The following PKP4 variants were observed in gnomAD, a reference collection of about 807,000 sequenced individuals.
PKP4 encodes the protein plakophilin 4.
PKP4 carries 90 observed loss-of-function variants against 145.1 expected under a neutral mutation model. The ratio of observed to expected loss-of-function variants is 0.62; its 90% CI spans 0.52 to 0.74. The LOEUF (loss-of-function observed/expected upper bound fraction) is 0.74, where lower values mean the gene tolerates loss of function less well. PKP4 is among the 30% of genes least tolerant of loss of function. The probability of loss-of-function intolerance (pLI) is 0.00; values close to 1 mark genes in which losing one functional copy is unlikely to be tolerated. For missense variants in PKP4, 1,340 were observed against 1,482.7 expected, an observed-to-expected ratio of 0.90 and a Z score of 1.58; for synonymous variants, 563 against 577.2, an observed-to-expected ratio of 0.98 and a Z score of 0.35.
chr2:158,482,935 G>T (rs1263183599), intron 1 of PKP4, among the ~76,000 whole-genome samples: 1 of 152,080 alleles, frequency 6.6e-6, no homozygotes. Flanking sequence ...GTGATACAGT[G>T]TTTGTTAGCC....
In PKP4 at chr2:158,462,069, T is replaced by C. The variant is rs573669607; in HGVS notation, c.-6+4851T>C. Among the ~76,000 whole-genome samples the C allele has an allele frequency of 6.6e-5, 10 of 152,334 alleles. 2 individuals carry two copies. Among genetic ancestry groups the C allele is most frequent in the African/African-American group, 2.4e-4 (10 of 41,574 alleles). On this transcript the variant is annotated intron_variant, in intron 1 of 21. Coordinates refer to ENST00000389759, the MANE Select transcript of PKP4 (RefSeq NM_003628.6). ...AGGCTTTTGGGGCCTGGCCCGAAAC[T>C]TGGAATGCAGTTTTTCATAGAAACC...
At chr2:158,645,740 G>A (rs986488085) in intron 11 of PKP4, among the ~76,000 whole-genome samples, 1 of 152,166 alleles carries the variant, frequency 6.6e-6, no homozygotes, top group Non-Finnish European at 1.5e-5. Flanking sequence ...AGTCTTTTCT[G>A]AATTTCTGTT....
chr2:158,485,977 C>G (rs1694109756), intron 1 of PKP4, among the ~76,000 whole-genome samples: 1 of 152,078 alleles, frequency 6.6e-6, no homozygotes, highest in African/African-American at 2.4e-5. Context: ...AATACACATT[C>G]TAATTTTGGC....
At chr2:158,632,432 C>G (rs2053448220) in intron 8 of PKP4, 1 of 158,874 alleles carries the variant, frequency 6.3e-6, no homozygotes, top group Non-Finnish European at 1.4e-5. Flanking sequence ...AATAGATACC[C>G]CTTGCAATGG....
Position 158,669,829 on chromosome 2 carries a change from C to T in PKP4, c.2838C>T (p.Thr946=), listed in dbSNP as rs1181109201. Residue 946 remains threonine (T), a synonymous_variant, in exon 17 of 22, where the codon ACC becomes ACT. Transcript: ENST00000389759. ...TCTGCTGTGCTCTGCACGAGGTCAC[C>T]AGCAAAAACATGGAGAACGCAAAAG... ...AAICCALHEV[T]SKNMENAKAL... The T allele has an allele frequency of 6.2e-7, 1 of 1,614,064 alleles. No individual in the cohort carries two copies. Among genetic ancestry groups the T allele is most frequent in the South Asian group, 1.1e-5 (1 of 91,062 alleles).
At chr2:158,671,967 G>A (rs2057602233) in intron 17 of PKP4, among the ~76,000 whole-genome samples, 1 of 152,200 alleles carries the variant, frequency 6.6e-6, no homozygotes, top group Admixed American at 6.5e-5. Context: ...GGGACATCAA[G>A]TGAGAGAGCC....
intron 3 of PKP4, chr2:158,578,215 T>G (rs10933494): frequency 0.19 from 47,047 of 243,412 alleles, 5,761 homozygotes; most frequent in Middle Eastern, 0.26. Context: ...TGAATAGAAT[T>G]CTGTCTGTTG....
At chr2:158,591,261 A>C (rs745617636) in intron 3 of PKP4, among the ~76,000 whole-genome samples, 9 of 152,086 alleles carry the variant, frequency 5.9e-5, no homozygotes, top group Non-Finnish European at 1.3e-4. Flanking sequence ...TGAAACAGGG[A>C]ATATGAATAC....
chr2:158,620,693 T>C (rs187994675), intron 4 of PKP4, among the ~76,000 whole-genome samples: 1 of 152,340 alleles, frequency 6.6e-6, no homozygotes, highest in East Asian at 1.9e-4. Flanking sequence ...TGGAGGAAGG[T>C]GTCTGAGAGG....
intron 4 of PKP4, among the ~76,000 whole-genome samples, chr2:158,605,787 G>A (rs181048987): frequency 2.0e-5 from 3 of 152,090 alleles, no homozygotes; most frequent in Admixed American, 6.6e-5. Context: ...TAGCTGTCAC[G>A]CCATTTTACC....
chr2:158,674,448 C>T (rs767950676), intron 19 of PKP4, among the ~76,000 whole-genome samples: 1 of 152,140 alleles, frequency 6.6e-6, no homozygotes, highest in Non-Finnish European at 1.5e-5. Flanking sequence ...GAAGCAGGGT[C>T]CTTTACCAGA....
rs998743174 is a variant in PKP4 at position 158,526,872 on chromosome 2, A to G, written c.-5-6308A>G. Among the ~76,000 whole-genome samples, 2 of 66,598 alleles carry G rather than the reference A, an allele frequency of 3.0e-5. 1 individual carries two copies. Among genetic ancestry groups the G allele is most frequent in the Non-Finnish European group, 5.7e-5 (2 of 35,368 alleles). 43.7% of individuals were successfully genotyped at this position (66,598 alleles called of 152,430 possible). On this transcript the variant is annotated intron_variant, in intron 1 of 21. Coordinates refer to ENST00000389759, the MANE Select transcript of PKP4 (RefSeq NM_003628.6). ...AAACAGAGAGCCAAATCATGAGTGA[A>G]CTCCCATTCACAATTGCTTCAAAGA... is the stretch of plus-strand genomic sequence containing the variant.
chr2:158,530,504 C>CTTTTTTTTT lies in PKP4; in HGVS notation c.-5-2660_-5-2652dup, dbSNP rs869120223. Among the ~76,000 whole-genome samples, 198 of 92,094 alleles carry CTTTTTTTTT rather than the reference C, an allele frequency of 2.1e-3. 1 individual carries two copies. Among genetic ancestry groups the CTTTTTTTTT allele is most frequent in the African/African-American group, 5.1e-3 (119 of 23,292 alleles). The allele number at this position is 92,094 out of a possible 152,430, so 60.4% of individuals were successfully genotyped here. On this transcript the variant is annotated intron_variant, in intron 1 of 21. Coordinates refer to ENST00000389759, the MANE Select transcript of PKP4 (RefSeq NM_003628.6). The stretch of plus-strand genomic sequence containing the variant: ...TTTACGATAGAAGTACTCTTTCTTT[C>CTTTTTTTTT]TTTTTTTTTTTTTTTTTTTTTTTTG...
intron 2 of PKP4, among the ~76,000 whole-genome samples, chr2:158,568,434 T>C (rs1482726461): frequency 6.6e-6 from 1 of 152,188 alleles, no homozygotes; most frequent in Non-Finnish European, 1.5e-5. Context: ...GACCACACTT[T>C]GAGAACTACT....
At chr2:158,672,878 G>C (rs1259865277) in intron 17 of PKP4, among the ~76,000 whole-genome samples, 1 of 152,138 alleles carries the variant, frequency 6.6e-6, no homozygotes. Context: ...CCAGATTTTA[G>C]ATCGGGTATA....
intron 2 of PKP4, among the ~76,000 whole-genome samples, chr2:158,574,917 G>T (rs2047716856): frequency 6.6e-6 from 1 of 152,190 alleles, no homozygotes; most frequent in Non-Finnish European, 1.5e-5. Context: ...GCATGTATAG[G>T]CTTTCCTAGC....
chr2:158,573,973 G>A (rs149328591), intron 2 of PKP4, among the ~76,000 whole-genome samples: 70 of 152,376 alleles, frequency 4.6e-4, no homozygotes, highest in South Asian at 2.9e-3. Flanking sequence ...CTGGCAGATG[G>A]GACAGCCAGC....
At chr2:158,517,055 C>T (rs957668812) in intron 1 of PKP4, among the ~76,000 whole-genome samples, 4 of 152,162 alleles carry the variant, frequency 2.6e-5, no homozygotes, top group Non-Finnish European at 5.9e-5. Flanking sequence ...TAGTAATTCA[C>T]ATATAAATTG....
Position 158,663,424 on chromosome 2 carries a change from C to T in PKP4, c.2556C>T (p.Asn852=), listed in dbSNP as rs1169294348. Residue 852 remains asparagine, a synonymous_variant, in exon 15 of 22, where the codon AAC becomes AAT. Coordinates refer to ENST00000389759, the MANE Select transcript of PKP4 (RefSeq NM_003628.6). ...AAGGCTCTGCAGGGTCTCTCCAGAACCTCTCTGCTGGCAACTGGAAGGTAG... is the reference window on the plus strand; with the variant it reads ...AAGGCTCTGCAGGGTCTCTCCAGAATCTCTCTGCTGGCAACTGGAAGGTAG... ...TLEGSAGSLQ[N]LSAGNWKFAA... 1 of 1,612,890 alleles carries T rather than the reference C, an allele frequency of 6.2e-7. No individual in the cohort carries two copies. The highest frequency in any genetic ancestry group is 1.3e-5 in the African/African-American group (1 of 74,988).
Sources: gnomAD v4.1 joint callset for allele counts (sites outside exome capture counted in the v4.1 genomes callset) on GRCh38, gnomAD v4.1.1 for gene constraint, MANE v1.5 for transcripts, NCBI Gene and HGNC (gene_info 2026-07-23, HGNC 2026-07-21) for gene names.